Variants in NT5DC1 observed in about 807,000 individuals in gnomAD.
NT5DC1 encodes the protein 5'-nucleotidase domain containing 1, also known as 5'-nucleotidase domain-containing protein 1.
Under a neutral mutation model 59.4 loss-of-function variants are expected in NT5DC1, and 42 were observed. The observed-to-expected ratio is 0.71, with a 90% CI of 0.55 to 0.92. NT5DC1 has a LOEUF of 0.92. Among genes scored for constraint, NT5DC1 ranks in the 40% least tolerant of loss-of-function variants. NT5DC1 has a pLI of 0.00. For synonymous variants in NT5DC1, 172 were observed against 188.1 expected (o/e 0.91, Z 0.70); for missense variants, 501 against 537.1 (o/e 0.93, Z 0.66).
At chr6:116,167,117 G>A (rs770194239) in intron 6 of NT5DC1, among the ~76,000 whole-genome samples, 1 of 150,780 alleles carries the variant, frequency 6.6e-6, no homozygotes, top group Non-Finnish European at 1.5e-5. Flanking sequence ...TATCACTGAT[G>A]ATTTGTATAT....
chr6:116,210,005 T>A (rs962780643), intron 6 of NT5DC1, among the ~76,000 whole-genome samples: 1 of 151,996 alleles, frequency 6.6e-6, no homozygotes, highest in African/African-American at 2.4e-5. Flanking sequence ...CATACCCAAG[T>A]TTGTTACTAA....
chr6:116,120,507 T>A, intron 6 of NT5DC1: 1 of 1,614,024 alleles, frequency 6.2e-7, no homozygotes, highest in Non-Finnish European at 8.5e-7. Context: ...ACAAGAGGGG[T>A]CCCAGAAAGA....
chr6:116,148,183 G>A (rs1017344444), intron 6 of NT5DC1, among the ~76,000 whole-genome samples: 1 of 152,092 alleles, frequency 6.6e-6, no homozygotes, highest in Non-Finnish European at 1.5e-5. Context: ...TAGTAATAGT[G>A]CTTGCATCTT....
At chr6:116,118,581 C>CA (rs1399874446) in intron 6 of NT5DC1, among the ~76,000 whole-genome samples, 1 of 151,766 alleles carries the variant, frequency 6.6e-6, no homozygotes, top group Admixed American at 6.6e-5. Flanking sequence ...TTGTGATTGA[C>CA]AAAAAAATTG....
chr6:116,150,038 T>A (rs1461654156), intron 6 of NT5DC1, among the ~76,000 whole-genome samples: 1 of 152,148 alleles, frequency 6.6e-6, no homozygotes, highest in African/African-American at 2.4e-5. Flanking sequence ...AGAGAAGGCT[T>A]GTGGGCCATA....
At chr6:116,160,121 G>C (rs1780294458) in intron 6 of NT5DC1, among the ~76,000 whole-genome samples, 2 of 152,074 alleles carry the variant, frequency 1.3e-5, no homozygotes, top group Admixed American at 6.6e-5. Flanking sequence ...TTTCCTTTAT[G>C]TATATACATA....
chr6:116,214,948 T>C (rs1781661399), intron 6 of NT5DC1, among the ~76,000 whole-genome samples: 2 of 152,054 alleles, frequency 1.3e-5, no homozygotes, highest in African/African-American at 2.4e-5. Flanking sequence ...CCAGTGTGTA[T>C]CTCTGGGGCT....
chr6:116,184,001 A>T (rs745310161), intron 6 of NT5DC1, among the ~76,000 whole-genome samples: 1 of 151,942 alleles, frequency 6.6e-6, no homozygotes, highest in African/African-American at 2.4e-5. Context: ...ATTGTTTTCA[A>T]CTTTTCCCTG....
chr6:116,101,753 T>C (rs1054840593), intron 1 of NT5DC1, among the ~76,000 whole-genome samples: 17 of 152,122 alleles, frequency 1.1e-4, no homozygotes, highest in Non-Finnish European at 5.9e-5. Flanking sequence ...ACCTGTACAC[T>C]CAAATTAATT....
intron 6 of NT5DC1, among the ~76,000 whole-genome samples, chr6:116,162,254 TGGATG>T (rs2114429550): frequency 6.6e-6 from 1 of 152,340 alleles, no homozygotes; most frequent in East Asian, 1.9e-4. Context: ...TTTTCCGATT[TGGATG>T]CCTTTAATTT....
intron 6 of NT5DC1, among the ~76,000 whole-genome samples, chr6:116,172,257 A>G (rs1251825878): frequency 6.6e-6 from 1 of 151,522 alleles, no homozygotes; most frequent in Non-Finnish European, 1.5e-5. Flanking sequence ...AGGTTATATT[A>G]GATAAGTATA....
At chr6:116,153,335 T>G (rs966993634) in intron 6 of NT5DC1, among the ~76,000 whole-genome samples, 1 of 108,550 alleles carries the variant, frequency 9.2e-6, no homozygotes, top group East Asian at 2.1e-4. Flanking sequence ...ACATCAGCTC[T>G]AAAAGTTTTT....
chr6:116,116,820 G>A (rs1778973758), intron 5 of NT5DC1, among the ~76,000 whole-genome samples: 1 of 152,004 alleles, frequency 6.6e-6, no homozygotes, highest in Non-Finnish European at 1.5e-5. Flanking sequence ...TTACTACAAG[G>A]AAAGTGTATC....
intron 6 of NT5DC1, among the ~76,000 whole-genome samples, chr6:116,197,214 C>T (rs1781251532): frequency 1.3e-5 from 2 of 151,930 alleles, no homozygotes; most frequent in Admixed American, 6.6e-5. Context: ...CATCTGGCCA[C>T]GGATCTGCTT....
intron 6 of NT5DC1, among the ~76,000 whole-genome samples, chr6:116,155,129 G>A (rs1043661560): frequency 1.3e-5 from 2 of 152,128 alleles, no homozygotes; most frequent in Non-Finnish European, 2.9e-5. Flanking sequence ...AAAGTATGTG[G>A]TTGAGTATGA....
At chr6:116,101,645 G>A (rs538416215) in intron 1 of NT5DC1, among the ~76,000 whole-genome samples, 1 of 152,234 alleles carries the variant, frequency 6.6e-6, no homozygotes, top group South Asian at 2.1e-4. Flanking sequence ...TACGTGCTCC[G>A]TGCACTTTGA....
rs761718922 is a variant in NT5DC1 at position 116,163,141 on chromosome 6, A to AAATATATATATAT, written c.529+45197_529+45198insATATATATATATA. Among the ~76,000 whole-genome samples the AAATATATATATAT allele has an allele frequency of 1.1e-3, 96 of 88,370 alleles. 1 individual carries two copies. The highest frequency in any genetic ancestry group is 5.1e-3 in the African/African-American group (89 of 17,328). 58.0% of individuals were successfully genotyped at this position (88,370 alleles called of 152,430 possible). ...GACTCCGTCTCAAAAAAAAAAAAAAAATATATATATATATATATATATTAG... is the reference window on the plus strand; with the variant it reads ...GACTCCGTCTCAAAAAAAAAAAAAAAAATATATATATATATATATATATATATATATATATTAG... On this transcript the variant is annotated intron_variant, in intron 6 of 11. Coordinates refer to ENST00000319550, the MANE Select transcript of NT5DC1 (RefSeq NM_152729.3).
intron 6 of NT5DC1, among the ~76,000 whole-genome samples, chr6:116,132,755 T>C (rs1045957226): frequency 6.6e-6 from 1 of 152,166 alleles, no homozygotes; most frequent in Non-Finnish European, 1.5e-5. Context: ...ATACTGACTT[T>C]CCTGTTCTTC....
At chr6:116,172,067 A>G (rs60683042) in intron 6 of NT5DC1, among the ~76,000 whole-genome samples, 2 of 152,150 alleles carry the variant, frequency 1.3e-5, no homozygotes, top group Admixed American at 6.5e-5. Flanking sequence ...CCACACATCT[A>G]TGGTTTCAGT....
Sources: gnomAD v4.1 joint callset for allele counts (sites outside exome capture counted in the v4.1 genomes callset) on GRCh38, gnomAD v4.1.1 for gene constraint, MANE v1.5 for transcripts, NCBI Gene and HGNC (gene_info 2026-07-23, HGNC 2026-07-21) for gene names.